Variants in APAF1 observed in about 807,000 individuals in gnomAD.
The protein encoded by APAF1 is apoptotic protease-activating factor 1.
A neutral mutation model predicts 152.4 loss-of-function variants in APAF1; 91 were observed. The ratio of observed to expected loss-of-function variants is 0.60; its 90% CI spans 0.50 to 0.71. The LOEUF is 0.71. Ranked by LOEUF, APAF1 falls within the 30% of genes least tolerant of loss-of-function variation. The probability of loss-of-function intolerance (pLI) is 0.00; values close to 1 mark genes in which losing one functional copy is unlikely to be tolerated. For missense variants in APAF1, 1,283 were observed against 1,472.0 expected, an observed-to-expected ratio of 0.87 and a Z score of 2.10; for synonymous variants, 484 against 494.1, an observed-to-expected ratio of 0.98 and a Z score of 0.27.
At chr12:98,688,944 C>G (rs1323471832) in intron 16 of APAF1, among the ~76,000 whole-genome samples, 1 of 151,882 alleles carries the variant, frequency 6.6e-6, no homozygotes, top group South Asian at 2.1e-4. Flanking sequence ...TCTTGAGTAG[C>G]TGGGACTGCA....
intron 13 of APAF1, among the ~76,000 whole-genome samples, chr12:98,679,047 CTG>C (rs2097689555): frequency 6.6e-6 from 1 of 152,218 alleles, no homozygotes; most frequent in Non-Finnish European, 1.5e-5. Context: ...GGCCTGAAGA[CTG>C]GGGGCTGGGC....
chr12:98,695,788 A>C (rs1335338276), intron 16 of APAF1, among the ~76,000 whole-genome samples: 3 of 152,140 alleles, frequency 2.0e-5, no homozygotes. Context: ...CTTCACCTTT[A>C]TCAGAAGGTA....
rs560710807 is a variant in APAF1, at chr12:98,684,578, A to G, written c.2178+1304A>G. On this transcript the variant is annotated intron_variant, in intron 15 of 26. Coordinates refer to ENST00000551964, the MANE Select transcript of APAF1 (RefSeq NM_181861.2). Reference sequence around the variant, plus strand: ...CCGCACCACATAGTGCTCTTTAGGCATATTTATGTTTATAGAATCCCAAGG... The same window carrying G: ...CCGCACCACATAGTGCTCTTTAGGCGTATTTATGTTTATAGAATCCCAAGG... 9.8e-4 allele frequency among the ~76,000 whole-genome samples: 133 copies of G among 135,528 alleles called. 1 individual carries two copies. The South Asian group carries it at 0.03, about 30-fold the overall frequency. The allele number at this position is 135,528 out of a possible 152,430, so 88.9% of individuals were successfully genotyped here.
chr12:98,698,645 G>T lies in APAF1; in HGVS notation c.2305-763G>T, dbSNP rs545532020. 2.6e-5 allele frequency among the ~76,000 whole-genome samples: 4 copies of T among 152,268 alleles called. No individual in the cohort carries two copies. In the South Asian group the frequency reaches 8.3e-4, roughly 32 times the overall value. The stretch of plus-strand genomic sequence containing the variant: ...ACCTGGGAGTTGTGCTTTGGAAGCT[G>T]ACTTAAAGCCTGAGCAGCAGCTTTC... On this transcript the variant is annotated intron_variant, in intron 16 of 26. Coordinates refer to ENST00000551964, the MANE Select transcript of APAF1 (RefSeq NM_181861.2).
At position 98,667,537 on chromosome 12, in the gene APAF1, C is replaced by G; in HGVS notation, c.1387C>G (p.Gln463Glu). 6.2e-7 allele frequency: 1 copy of G among 1,613,998 alleles called. No individual in the cohort carries two copies. Among genetic ancestry groups the G allele is most frequent in the South Asian group, 1.1e-5 (1 of 91,072 alleles). The change falls in exon 10 of 27, where the codon CAG becomes GAG. Residue 463 changes from glutamine (Q) to glutamate (E), a missense_variant. Coordinates refer to ENST00000551964, the MANE Select transcript of APAF1 (RefSeq NM_181861.2). ...GGATCTACATAAGAAGATAATCACT[C>G]AGTTTCAGAGATATCACCAGCCGCA... The part of the protein sequence containing the change: ...LQDLHKKIIT[Q>E]FQRYHQPHTL...
chr12:98,698,722 A>C (rs771182671), intron 16 of APAF1, among the ~76,000 whole-genome samples: 32 of 152,178 alleles, frequency 2.1e-4, no homozygotes, highest in Non-Finnish European at 4.4e-4. Flanking sequence ...GGGCATGGGC[A>C]GTCATTATCA....
At chr12:98,715,236 A>ATATATG (rs1491108114) in intron 21 of APAF1, among the ~76,000 whole-genome samples, 191 bp from the exon 22 acceptor site, 2 of 2,586 alleles carry the variant, frequency 7.7e-4, no homozygotes, top group African/African-American at 2.7e-3. Context: ...CATGGTGTGC[A>ATATATG]TATATATATA....
rs777992532 is a variant in APAF1 at position 98,708,641 on chromosome 12, A to T, written c.2778A>T (p.Val926=). Residue 926 remains valine (V), a synonymous_variant, in exon 20 of 27, where the codon GTA becomes GTT. Coordinates refer to ENST00000551964, the MANE Select transcript of APAF1 (RefSeq NM_181861.2). ...CTGCTGTAATGTTAAAGCAAGAAGT[A>T]GATGTTGTGTTTCAAGAAAATGAAG... ...KNSAVMLKQE[V]DVVFQENEVM... 6.2e-7 allele frequency: 1 copy of T among 1,613,594 alleles called. No homozygotes were observed. Among genetic ancestry groups the T allele is most frequent in the Admixed American group, 1.7e-5 (1 of 60,016 alleles).
chr12:98,696,872 G>C (rs2097710528), intron 16 of APAF1, among the ~76,000 whole-genome samples: 1 of 152,066 alleles, frequency 6.6e-6, no homozygotes, highest in Non-Finnish European at 1.5e-5. Context: ...TAGGTATTTG[G>C]ATTTTAAACC....
At chr12:98,712,853 T>C (rs2097729569) in intron 21 of APAF1, 1 of 203,982 alleles carries the variant, frequency 4.9e-6, no homozygotes, top group Non-Finnish European at 1.0e-5. Context: ...GATCTCACCT[T>C]GTTGCACAGG....
chr12:98,727,844 G>A (rs1774036158), intron 26 of APAF1, among the ~76,000 whole-genome samples: 1 of 151,912 alleles, frequency 6.6e-6, no homozygotes, highest in South Asian at 2.1e-4. Flanking sequence ...GGGAGGCTGA[G>A]GCAGGAGAAT....
chr12:98,735,365 A>G lies in APAF1; in HGVS notation c.*2799A>G, dbSNP rs908143667. On this transcript the variant is annotated 3_prime_UTR_variant, in exon 27 of 27. Transcript: ENST00000551964. The stretch of plus-strand genomic sequence containing the variant: ...GCTTATATGATTTTTTTGCCTTGGT[A>G]TACATTTTAAAATATGAATTTAAAA... 2.3e-6 allele frequency: 1 copy of G among 428,974 alleles called. No individual in the cohort carries two copies. The highest frequency in any genetic ancestry group is 4.1e-6 in the Non-Finnish European group (1 of 241,476). The allele number at this position is 428,974 out of a possible 1,614,324, so 26.6% of individuals were successfully genotyped here. A position where few individuals can be genotyped will look rare whatever the true frequency, so the allele number is the denominator to read the frequency against.
rs1053577258 is a variant in APAF1 at position 98,645,806 on chromosome 12, C to T, written c.-71C>T. On this transcript the variant is annotated 5_prime_UTR_variant, in exon 1 of 27. Coordinates refer to ENST00000551964, the MANE Select transcript of APAF1 (RefSeq NM_181861.2). ...AGTCTTGTCCCGGCAGTGCCGCCCTCCCCACTAAGACCTAGGCGCAAAGGC... is the reference window on the plus strand; with the variant it reads ...AGTCTTGTCCCGGCAGTGCCGCCCTTCCCACTAAGACCTAGGCGCAAAGGC... 1 of 152,308 alleles carries T rather than the reference C, an allele frequency of 6.6e-6. No homozygotes were observed. Among genetic ancestry groups the T allele is most frequent in the Non-Finnish European group, 1.5e-5 (1 of 68,082 alleles). 9.4% of individuals were successfully genotyped at this position (152,308 alleles called of 1,614,324 possible). A position where few individuals can be genotyped will look rare whatever the true frequency, so the allele number is the denominator to read the frequency against.
intron 4 of APAF1, among the ~76,000 whole-genome samples, 156 bp from the exon 5 acceptor site, chr12:98,659,004 C>A (rs2097661274): frequency 2.0e-5 from 3 of 152,156 alleles, no homozygotes; most frequent in Admixed American, 2.0e-4. Flanking sequence ...ATAAAGCCTA[C>A]CAGTATCTTG....
intron 26 of APAF1, among the ~76,000 whole-genome samples, chr12:98,728,491 G>A (rs1340494925): frequency 6.6e-6 from 1 of 152,096 alleles, no homozygotes; most frequent in African/African-American, 2.4e-5. Context: ...AGGCCAAGGC[G>A]GGCAGATCAC....
chr12:98,671,154 A>G (rs2097679646), intron 11 of APAF1, 68 bp downstream of exon 11: 1 of 998,950 alleles, frequency 1.0e-6, no homozygotes, highest in Non-Finnish European at 1.6e-6. Context: ...TTAATTCTAG[A>G]TTTAATGATG....
intron 12 of APAF1, among the ~76,000 whole-genome samples, chr12:98,675,784 T>C (rs2097685835): frequency 6.6e-6 from 1 of 152,332 alleles, no homozygotes; most frequent in East Asian, 1.9e-4. Context: ...GAGGAACAAC[T>C]GTACTTGTTT....
At chr12:98,731,719 A>G (rs2097761882) in intron 26 of APAF1, among the ~76,000 whole-genome samples, 1 of 152,134 alleles carries the variant, frequency 6.6e-6, no homozygotes, top group African/African-American at 2.4e-5. Context: ...GTTTACATGT[A>G]TTGTCTCTTG....
At chr12:98,712,884 C>T (rs1490964925) in intron 21 of APAF1, 1 of 169,096 alleles carries the variant, frequency 5.9e-6, no homozygotes, top group African/African-American at 2.4e-5. Flanking sequence ...GTGGTACAAT[C>T]TTGGCTCACT....
Sources: gnomAD v4.1 joint callset for allele counts (sites outside exome capture counted in the v4.1 genomes callset) on GRCh38, gnomAD v4.1.1 for gene constraint, MANE v1.5 for transcripts, NCBI Gene and HGNC (gene_info 2026-07-23, HGNC 2026-07-21) for gene names.